Variants in MAF observed in about 807,000 individuals in gnomAD.
MAF encodes the protein MAF bZIP transcription factor, also known as transcription factor Maf.
A neutral mutation model predicts 22.0 loss-of-function variants in MAF; 10 were observed. That is an observed-to-expected ratio of 0.45 (90% CI 0.28 to 0.77). The LOEUF is 0.77. MAF is among the 30% of genes least tolerant of loss of function. The pLI is 0.12. For missense variants in MAF, 544 were observed against 548.4 expected (o/e 0.99, Z 0.08); for synonymous variants, 337 against 255.8 (o/e 1.32, Z -3.03).
chr16:79,305,808 T>A, the MAF span, among the ~76,000 whole-genome samples: 5 of 152,034 alleles, frequency 3.3e-5, no homozygotes, highest in Non-Finnish European at 1.5e-5. Context: ...GCTTACGAAA[T>A]AGGGATTCAA....
chr16:79,220,740 G>C, the MAF span, among the ~76,000 whole-genome samples: 1 of 152,294 alleles, frequency 6.6e-6, no homozygotes, highest in South Asian at 2.1e-4. Context: ...TTAAGGCTCT[G>C]GGTAGTTACT....
the MAF span, among the ~76,000 whole-genome samples, chr16:79,414,199 G>A: frequency 1.3e-5 from 2 of 152,186 alleles, no homozygotes; most frequent in Non-Finnish European, 2.9e-5. Context: ...GGTCCATTTT[G>A]TGTTGCTACA....
chr16:79,503,533 GA>G, the MAF span, among the ~76,000 whole-genome samples: 1 of 152,226 alleles, frequency 6.6e-6, no homozygotes, highest in Non-Finnish European at 1.5e-5. Flanking sequence ...CTACTGGACA[GA>G]AATCAATGAT....
At chr16:79,400,956 C>T in the MAF span, among the ~76,000 whole-genome samples, 1 of 152,246 alleles carries the variant, frequency 6.6e-6, no homozygotes, top group African/African-American at 2.4e-5. Context: ...GCATGATAAA[C>T]ACAGCAGGGC....
At chr16:79,331,673 C>T in the MAF span, among the ~76,000 whole-genome samples, 1 of 152,184 alleles carries the variant, frequency 6.6e-6, no homozygotes, top group Non-Finnish European at 1.5e-5. Context: ...TCAGGCACAG[C>T]ATGGGTCTCC....
the MAF span, among the ~76,000 whole-genome samples, chr16:79,410,972 T>G: frequency 3.3e-5 from 5 of 152,194 alleles, no homozygotes; most frequent in African/African-American, 1.2e-4. Context: ...CCTTGACTTT[T>G]CCTTAGATAT....
chr16:79,443,006 T>A, the MAF span, among the ~76,000 whole-genome samples: 1 of 152,126 alleles, frequency 6.6e-6, no homozygotes, highest in South Asian at 2.1e-4. Context: ...TTTGAAGGAA[T>A]GTAGAGCAAG....
At chr16:79,343,098 G>C in the MAF span, among the ~76,000 whole-genome samples, 4 of 152,186 alleles carry the variant, frequency 2.6e-5, no homozygotes, top group Non-Finnish European at 5.9e-5. Context: ...AGACTTGTCA[G>C]AACAAGCGAA....
chr16:79,220,291 A>G, the MAF span, among the ~76,000 whole-genome samples: 2 of 151,230 alleles, frequency 1.3e-5, no homozygotes, highest in Non-Finnish European at 2.9e-5. Context: ...GTTAAAATGC[A>G]TGCCCAGCAT....
At chr16:79,508,506 C>T in the MAF span, among the ~76,000 whole-genome samples, 2 of 152,302 alleles carry the variant, frequency 1.3e-5, no homozygotes, top group East Asian at 1.9e-4. Flanking sequence ...CGCTGCTCAG[C>T]AGTACTGCTT....
At chr16:79,231,208 T>C in the MAF span, among the ~76,000 whole-genome samples, 2 of 152,004 alleles carry the variant, frequency 1.3e-5, no homozygotes, top group South Asian at 4.1e-4. Flanking sequence ...CAATGGGCTC[T>C]TATGGGACAG....
At chr16:79,391,232 C>A in the MAF span, among the ~76,000 whole-genome samples, 4 of 152,318 alleles carry the variant, frequency 2.6e-5, no homozygotes, top group South Asian at 8.3e-4. Flanking sequence ...CTCATCTATA[C>A]AATGGGAATA....
the MAF span, among the ~76,000 whole-genome samples, chr16:79,320,339 G>A: frequency 6.6e-6 from 1 of 152,144 alleles, no homozygotes; most frequent in Non-Finnish European, 1.5e-5. Context: ...GAAGATACGG[G>A]GCTTCCTGAA....
At chr16:79,234,677 G>A in the MAF span, among the ~76,000 whole-genome samples, 1 of 152,100 alleles carries the variant, frequency 6.6e-6, no homozygotes, top group African/African-American at 2.4e-5. Context: ...CTAGCAGAAA[G>A]CAGGTAGTGG....
At chr16:79,591,690 C>T (rs953434210), downstream of MAF, among the ~76,000 whole-genome samples, 3 of 152,146 alleles carry the variant, frequency 2.0e-5, no homozygotes, top group African/African-American at 7.2e-5. Context: ...TTGCTCTTCC[C>T]ATCTCAGCCT....
the MAF span, among the ~76,000 whole-genome samples, chr16:79,500,371 A>C: frequency 6.6e-6 from 1 of 152,186 alleles, no homozygotes; most frequent in Non-Finnish European, 1.5e-5. Flanking sequence ...CTTTGGGGTT[A>C]GGCAAACCTC....
chr16:79,554,891 C>T, the MAF span, among the ~76,000 whole-genome samples: 1 of 152,164 alleles, frequency 6.6e-6, no homozygotes, highest in East Asian at 1.9e-4. Flanking sequence ...AGAGCCCTGG[C>T]ATCTCTCACT....
chr16:79,495,047 C>G, the MAF span, among the ~76,000 whole-genome samples: 2 of 152,148 alleles, frequency 1.3e-5, no homozygotes, highest in Non-Finnish European at 2.9e-5. Flanking sequence ...GTGTCACCCC[C>G]CCAGACACCC....
At chr16:79,527,999 C>T in the MAF span, among the ~76,000 whole-genome samples, 7 of 152,008 alleles carry the variant, frequency 4.6e-5, no homozygotes, top group African/African-American at 1.2e-4. Flanking sequence ...AAAAATTAGC[C>T]GGGCGTGTTG....
Sources: gnomAD v4.1 joint callset for allele counts (sites outside exome capture counted in the v4.1 genomes callset) on GRCh38, gnomAD v4.1.1 for gene constraint, MANE v1.5 for transcripts, NCBI Gene and HGNC (gene_info 2026-07-23, HGNC 2026-07-21) for gene names.